CCDC7: variants seen among roughly 807,000 people sequenced by gnomAD.
CCDC7 encodes the protein coiled-coil domain containing 7.
In CCDC7, 183 loss-of-function variants were observed where a neutral mutation model predicts 196.9. That is an observed-to-expected ratio of 0.93 (90% CI 0.82 to 1.05). CCDC7 has a LOEUF of 1.05. CCDC7 is among the 50% of genes least tolerant of loss of function. The pLI is 0.00. For synonymous variants in CCDC7, 525 were observed against 484.6 expected, an observed-to-expected ratio of 1.08 and a Z score of -1.10; for missense variants, 1,540 against 1,482.2, an observed-to-expected ratio of 1.04 and a Z score of -0.64.
Position 32,862,709 on chromosome 10 carries a change from A to G in CCDC7, c.4111+8220A>G, listed in dbSNP as rs528779732. ...AAGTACTATCAAGGACAATCAAACA[A>G]ATTTGGATTGCAACCAAATCAGAAA... On this transcript the variant is annotated intron_variant, in intron 41 of 41. Transcript: ENST00000639629. 1.1e-4 allele frequency among the ~76,000 whole-genome samples: 16 copies of G among 152,234 alleles called. No individual in the cohort carries two copies. In the East Asian group the frequency reaches 2.5e-3, roughly 24 times the overall value.
chr10:32,701,204 G>T (rs1222764213), intron 24 of CCDC7, among the ~76,000 whole-genome samples: 1 of 152,110 alleles, frequency 6.6e-6, no homozygotes, highest in African/African-American at 2.4e-5. Context: ...GTCCTGGATA[G>T]CTCTTATTAT....
chr10:32,846,512 A>G (rs1428960445), intron 37 of CCDC7, 53 bp downstream of exon 38: 9 of 1,088,504 alleles, frequency 8.3e-6, no homozygotes, highest in East Asian at 2.4e-5. Context: ...ATGTTCCCTG[A>G]GTTAAATTAA....
intron 29 of CCDC7, among the ~76,000 whole-genome samples, chr10:32,779,511 T>C (rs2080696831): frequency 6.6e-6 from 1 of 152,216 alleles, no homozygotes; most frequent in Non-Finnish European, 1.5e-5. Flanking sequence ...ATTATTAAAT[T>C]TGCAATGTCA....
chr10:32,451,455 G>A, upstream of CCDC7: 11 of 690,096 alleles, frequency 1.6e-5, no homozygotes, highest in Non-Finnish European at 2.4e-5. Flanking sequence ...AAAAAAGCCT[G>A]AAGTGTAATC....
chr10:32,578,215 AAC>A lies in CCDC7; in HGVS notation c.1455-4817_1455-4816del, dbSNP rs527973674. Among the ~76,000 whole-genome samples the A allele has an allele frequency of 2.7e-3, 416 of 152,168 alleles. 1 individual carries two copies. The highest frequency in any genetic ancestry group is 4.9e-3 in the Non-Finnish European group (333 of 68,016). ...GTAAAATGTGATATCACCACTACCTAACAAGGAAAATCGTTTGTGGTTGGGAC... is the reference window on the plus strand; with the variant it reads ...GTAAAATGTGATATCACCACTACCTAAAGGAAAATCGTTTGTGGTTGGGAC... On this transcript the variant is annotated intron_variant, in intron 16 of 41. Coordinates refer to ENST00000639629, the Ensembl canonical transcript of CCDC7.
At chr10:32,686,339 A>C (rs1216868767) in intron 22 of CCDC7, among the ~76,000 whole-genome samples, 1 of 152,352 alleles carries the variant, frequency 6.6e-6, no homozygotes, top group South Asian at 2.1e-4. Context: ...ATTGTCTTTC[A>C]AAGAGTGTGT....
At chr10:32,500,101 T>C (rs2043663616) in intron 9 of CCDC7, among the ~76,000 whole-genome samples, 1 of 152,224 alleles carries the variant, frequency 6.6e-6, no homozygotes, top group African/African-American at 2.4e-5. Flanking sequence ...TGGCCCGTTC[T>C]CCATGAGCTG....
chr10:32,510,371 C>T (rs1480540550), intron 9 of CCDC7, among the ~76,000 whole-genome samples: 2 of 152,004 alleles, frequency 1.3e-5, no homozygotes, highest in African/African-American at 4.8e-5. Flanking sequence ...AGCAGAATTC[C>T]CATAGTGAAC....
chr10:32,779,346 C>T (rs979413104), intron 29 of CCDC7, among the ~76,000 whole-genome samples: 1 of 152,076 alleles, frequency 6.6e-6, no homozygotes, highest in Non-Finnish European at 1.5e-5. Flanking sequence ...ATAGGCTTTC[C>T]ACTACTGTGA....
chr10:32,793,301 A>G (rs2083016097), intron 29 of CCDC7, among the ~76,000 whole-genome samples: 1 of 152,218 alleles, frequency 6.6e-6, no homozygotes, highest in Non-Finnish European at 1.5e-5. Flanking sequence ...CATCTTAACT[A>G]GGGAAGACCC....
chr10:32,700,380 T>C (rs1005990645), intron 24 of CCDC7, among the ~76,000 whole-genome samples: 1 of 149,190 alleles, frequency 6.7e-6, no homozygotes, highest in Non-Finnish European at 1.5e-5. Flanking sequence ...TGTGGCATTA[T>C]TTCTGAGGGC....
intron 9 of CCDC7, among the ~76,000 whole-genome samples, chr10:32,504,169 G>A (rs2044513851): frequency 7.0e-6 from 1 of 142,088 alleles, no homozygotes; most frequent in South Asian, 2.2e-4. Flanking sequence ...CCAGGCTGGA[G>A]TGCAGTGGCG....
exon 37 of CCDC7, chr10:32,846,393 T>C (rs2093295692): frequency 3.8e-6 from 6 of 1,584,128 alleles, no homozygotes; most frequent in Non-Finnish European, 5.2e-6. Flanking sequence ...TAAAGAACTC[T>C]TAAAAGATGC....
intron 11 of CCDC7, among the ~76,000 whole-genome samples, chr10:32,520,959 C>T (rs576024904): frequency 5.5e-4 from 84 of 152,174 alleles, no homozygotes; most frequent in Non-Finnish European, 3.4e-4. Flanking sequence ...TTCCCAGCAA[C>T]ATTTATTGAA....
chr10:32,705,640 G>T (rs1372588223), intron 24 of CCDC7, among the ~76,000 whole-genome samples: 1 of 151,702 alleles, frequency 6.6e-6, no homozygotes, highest in Non-Finnish European at 1.5e-5. Flanking sequence ...CAAGAAAATG[G>T]AAAACAAAAA....
chr10:32,509,312 A>G (rs1392694258), intron 9 of CCDC7, among the ~76,000 whole-genome samples: 1 of 152,210 alleles, frequency 6.6e-6, no homozygotes, highest in Non-Finnish European at 1.5e-5. Context: ...GGGAAAGGAT[A>G]GTATCTCCAA....
At chr10:32,851,985 CTAAATGT>C (rs2136284411) in intron 40 of CCDC7, 53 bp downstream of exon 41, 1 of 1,505,732 alleles carries the variant, frequency 6.6e-7, no homozygotes, top group Non-Finnish European at 8.9e-7. Context: ...AAAGCTATAA[CTAAATGT>C]AAATAACCAA....
At chr10:32,533,952 G>A (rs776388845) in intron 11 of CCDC7, among the ~76,000 whole-genome samples, 22 of 151,886 alleles carry the variant, frequency 1.4e-4, no homozygotes, top group Non-Finnish European at 3.1e-4. Flanking sequence ...CAGAAGTTTT[G>A]GAAAGTTTTC....
downstream of CCDC7, among the ~76,000 whole-genome samples, chr10:32,882,023 C>T (rs2504004): frequency 0.76 from 116,042 of 151,976 alleles, 45,185 homozygotes; most frequent in South Asian, 0.84. Context: ...TAACCTCTAG[C>T]ATATACTCCA....
Sources: gnomAD v4.1 joint callset for allele counts (sites outside exome capture counted in the v4.1 genomes callset) on GRCh38, gnomAD v4.1.1 for gene constraint, MANE v1.5 for transcripts, NCBI Gene and HGNC (gene_info 2026-07-23, HGNC 2026-07-21) for gene names.